Variants in MTX2 observed in about 807,000 individuals in gnomAD.
The protein encoded by MTX2 is metaxin 2, also known as metaxin-2.
In MTX2, 35 loss-of-function variants were observed where a neutral mutation model predicts 42.3. The observed-to-expected ratio is 0.83, with a 90% confidence interval of 0.63 to 1.10. The LOEUF is 1.10. Among genes scored for constraint, MTX2 ranks in the 50% least tolerant of loss-of-function variants. The pLI is 0.00. For synonymous variants in MTX2, 119 were observed against 100.9 expected, an observed-to-expected ratio of 1.18 and a Z score of -1.08; for missense variants, 307 against 304.1, an observed-to-expected ratio of 1.01 and a Z score of -0.07.
chr2:176,335,046 A>C (rs1684955243), intron 9 of MTX2, among the ~76,000 whole-genome samples: 1 of 33,910 alleles, frequency 2.9e-5, no homozygotes, highest in Non-Finnish European at 7.6e-5. Flanking sequence ...CACAATAAGC[A>C]AAAAAAAAAT....
At chr2:176,306,036 T>C (rs1684135132) in intron 3 of MTX2, among the ~76,000 whole-genome samples, 1 of 152,152 alleles carries the variant, frequency 6.6e-6, no homozygotes, top group Non-Finnish European at 1.5e-5. Flanking sequence ...TTACATTAGG[T>C]ATTTCTCCTA....
chr2:176,270,465 A>T (rs1159832185), intron 1 of MTX2: 7 of 1,270,330 alleles, frequency 5.5e-6, no homozygotes, highest in Non-Finnish European at 6.4e-6. Flanking sequence ...GTAATGAAAG[A>T]AATTAAATAT....
In MTX2 at chr2:176,309,748, A is replaced by G. The variant is rs528888058; in HGVS notation, c.135+11853A>G. ...TTTTTTTTTTTTTTTTTTGCCTTCC[A>G]TTTGCTTGGTAGATCTTCCCCCATC... On this transcript the variant is annotated intron_variant, in intron 3 of 9. Coordinates refer to ENST00000249442, the MANE Select transcript of MTX2 (RefSeq NM_006554.5). Among the ~76,000 whole-genome samples, 407 of 80,312 alleles carry G rather than the reference A, an allele frequency of 5.1e-3. 1 individual carries two copies. Among genetic ancestry groups the G allele is most frequent in the African/African-American group, 0.021 (381 of 17,932 alleles). The allele number at this position is 80,312 out of a possible 152,430, so 52.7% of individuals were successfully genotyped here. A position where few individuals can be genotyped will look rare whatever the true frequency, so the allele number is the denominator to read the frequency against.
intron 1 of MTX2, among the ~76,000 whole-genome samples, chr2:176,283,238 ATCCCACC>A (rs1303299501): frequency 6.6e-6 from 1 of 152,116 alleles, no homozygotes; most frequent in African/African-American, 2.4e-5. Flanking sequence ...GTCACCCCTA[ATCCCACC>A]TCCCTTTTTG....
At chr2:176,282,126 GTTTTTTTT>G (rs71004264) in intron 1 of MTX2, among the ~76,000 whole-genome samples, 5 of 26,432 alleles carry the variant, frequency 1.9e-4, no homozygotes, top group African/African-American at 8.2e-4. Flanking sequence ...AGTTACAGTA[GTTTTTTTT>G]TTTTTTTTTT....
chr2:176,320,640 C>A (rs1439809564), intron 3 of MTX2, among the ~76,000 whole-genome samples: 1 of 151,826 alleles, frequency 6.6e-6, no homozygotes, highest in African/African-American at 2.4e-5. Context: ...GTGTCCTGTT[C>A]TGACAAAAAC....
At chr2:176,303,997 A>G (rs929931725) in intron 3 of MTX2, among the ~76,000 whole-genome samples, 1 of 152,040 alleles carries the variant, frequency 6.6e-6, no homozygotes, top group East Asian at 1.9e-4. Context: ...ATAAAGATAC[A>G]GTAGTAAGAT....
chr2:176,306,010 C>T (rs1023486017), intron 3 of MTX2, among the ~76,000 whole-genome samples: 4 of 152,066 alleles, frequency 2.6e-5, no homozygotes, highest in Non-Finnish European at 5.9e-5. Context: ...GTTTGCTGCA[C>T]CCATCTACTC....
intron 9 of MTX2, 120 bp downstream of exon 9, chr2:176,330,780 C>CA: frequency 1.4e-6 from 1 of 710,366 alleles, no homozygotes; most frequent in Admixed American, 2.5e-5. Context: ...TTTTTGTACT[C>CA]AAATATTTTT....
At chr2:176,278,868 T>G (rs1006662009) in intron 1 of MTX2, among the ~76,000 whole-genome samples, 8 of 152,168 alleles carry the variant, frequency 5.3e-5, no homozygotes, top group Non-Finnish European at 1.2e-4. Flanking sequence ...CTTTAATTTT[T>G]TATTGCTTTG....
chr2:176,312,041 T>C (rs1684325217), intron 3 of MTX2, among the ~76,000 whole-genome samples: 1 of 152,220 alleles, frequency 6.6e-6, no homozygotes, highest in Non-Finnish European at 1.5e-5. Flanking sequence ...TGCAGTTGTG[T>C]GCAGATCATT....
intron 3 of MTX2, among the ~76,000 whole-genome samples, chr2:176,307,843 A>C (rs1017798316): frequency 6.6e-6 from 1 of 152,174 alleles, no homozygotes; most frequent in African/African-American, 2.4e-5. Context: ...ATCATCTGCA[A>C]ACAGGAACAG....
chr2:176,330,510 A>G (rs1345854079), intron 8 of MTX2, 74 bp from the exon 9 acceptor site: 4 of 1,050,434 alleles, frequency 3.8e-6, no homozygotes, highest in Non-Finnish European at 5.5e-6. Context: ...ACTGTGATAC[A>G]AGTTACGTTT....
At chr2:176,290,135 G>A (rs1177615078) in intron 1 of MTX2, among the ~76,000 whole-genome samples, 1 of 152,100 alleles carries the variant, frequency 6.6e-6, no homozygotes, top group East Asian at 1.9e-4. Context: ...GGTTGAGAAA[G>A]GTATAGGATT....
chr2:176,270,475 T>C (rs1692782351), intron 1 of MTX2: 3 of 1,248,308 alleles, frequency 2.4e-6, no homozygotes, highest in Admixed American at 2.0e-5. Flanking sequence ...AAATTAAATA[T>C]TGTTGAGAAA....
intron 3 of MTX2, among the ~76,000 whole-genome samples, chr2:176,314,941 GTTC>G (rs1684401722): frequency 6.6e-6 from 1 of 152,174 alleles, no homozygotes; most frequent in Non-Finnish European, 1.5e-5. Context: ...GACATCTGTA[GTTC>G]TTCTCATTTC....
intron 3 of MTX2, among the ~76,000 whole-genome samples, chr2:176,317,037 TTA>T (rs1684460018): frequency 2.2e-5 from 3 of 138,460 alleles, no homozygotes; most frequent in Admixed American, 2.1e-4. Flanking sequence ...AGTGTCTTTT[TTA>T]AAAAAAAAAA....
In MTX2 at chr2:176,317,007, T is replaced by G. The variant is rs1684458034; in HGVS notation, c.136-6385T>G. Among the ~76,000 whole-genome samples the G allele has an allele frequency of 2.0e-5, 3 of 151,042 alleles. No individual in the cohort carries two copies. The Admixed American group carries it at 2.0e-4, about 10-fold the overall frequency. ...TTACAACCAGTGGTTGACTATAAAT[T>G]GTGTTTTGGATTTTGACTAAGTGTC... On this transcript the variant is annotated intron_variant, in intron 3 of 9. Coordinates refer to ENST00000249442, the MANE Select transcript of MTX2 (RefSeq NM_006554.5).
At chr2:176,291,004 ACT>A (rs1693316889) in intron 1 of MTX2, among the ~76,000 whole-genome samples, 1 of 152,034 alleles carries the variant, frequency 6.6e-6, no homozygotes, top group South Asian at 2.1e-4. Context: ...ATTTCCTATG[ACT>A]CTAACCCAAG....
Sources: gnomAD v4.1 joint callset for allele counts (sites outside exome capture counted in the v4.1 genomes callset) on GRCh38, gnomAD v4.1.1 for gene constraint, MANE v1.5 for transcripts, NCBI Gene and HGNC (gene_info 2026-07-23, HGNC 2026-07-21) for gene names.